The following SOX13 variants were observed in gnomAD, a reference collection of about 807,000 sequenced individuals.
The protein encoded by SOX13 is SRY-box transcription factor 13.
SOX13 carries 28 observed loss-of-function variants against 71.8 expected under a neutral mutation model. The observed-to-expected ratio is 0.39, with a 90% CI of 0.29 to 0.53. The LOEUF is 0.53. Ranked by LOEUF, SOX13 falls within the 20% of genes least tolerant of loss-of-function variation. The pLI is 0.70. For missense variants in SOX13, 627 were observed against 810.3 expected (o/e 0.77, Z 2.75); for synonymous variants, 309 against 317.8 (o/e 0.97, Z 0.29).
chr1:204,081,698 G>A lies in SOX13; in HGVS notation c.-2+7987G>A, dbSNP rs1324456754. ...AAGGCAGGACCTGGCACTCCTCAGA[G>A]TGGAGGGTGAGGAGGGTTTTCTGTC... is the stretch of plus-strand genomic sequence containing the variant. On this transcript the variant is annotated intron_variant, in intron 1 of 13. Coordinates refer to ENST00000367204, the MANE Select transcript of SOX13 (RefSeq NM_005686.3). The surrounding 1 kb of genome is among the most constrained non-coding windows in gnomAD (Gnocchi z 4.3). Among the ~76,000 whole-genome samples the A allele has an allele frequency of 1.1e-4, 16 of 152,224 alleles. No homozygotes were observed.
intron 5 of SOX13, 28 bp from the exon 6 acceptor site, chr1:204,117,094 C>T (rs763062913): frequency 6.2e-7 from 1 of 1,612,008 alleles, no homozygotes; most frequent in Non-Finnish European, 8.5e-7. Context: ...GTCCGTGACC[C>T]CCTCTGCCTA....
chr1:204,084,029 A>T (rs951828181), intron 1 of SOX13, among the ~76,000 whole-genome samples: 2 of 152,152 alleles, frequency 1.3e-5, no homozygotes, highest in African/African-American at 2.4e-5. Context: ...CTGGGCCTCT[A>T]AGGGCATGTC....
intron 2 of SOX13, among the ~76,000 whole-genome samples, chr1:204,113,739 TGGTG>T: frequency 6.6e-6 from 1 of 152,142 alleles, no homozygotes; most frequent in South Asian, 2.1e-4. Context: ...GTGGGGGCAC[TGGTG>T]ATCAAGGAAG....
intron 1 of SOX13, among the ~76,000 whole-genome samples, chr1:204,079,840 C>T (rs1655865436): frequency 6.6e-6 from 1 of 152,152 alleles, no homozygotes; most frequent in Admixed American, 6.5e-5. Context: ...GTGGTCAGAC[C>T]TCCTAGAGGC....
intron 1 of SOX13, among the ~76,000 whole-genome samples, chr1:204,111,851 C>T (rs548420122): frequency 1.2e-4 from 18 of 152,168 alleles, no homozygotes; most frequent in African/African-American, 3.6e-4. Flanking sequence ...GGCTATTTCC[C>T]CCCGTGTGAT....
chr1:204,096,347 C>G (rs1229352646), intron 1 of SOX13, among the ~76,000 whole-genome samples: 1 of 148,002 alleles, frequency 6.8e-6, no homozygotes, highest in Admixed American at 7.0e-5. Context: ...TCAAGCGATC[C>G]TCCCACCTCA....
chr1:204,097,794 G>A (rs1270369361), intron 1 of SOX13, among the ~76,000 whole-genome samples: 1 of 151,972 alleles, frequency 6.6e-6, no homozygotes, highest in African/African-American at 2.4e-5. Flanking sequence ...AGGCCAAATT[G>A]TTGTCAATGG....
rs752500719 is a variant in SOX13, at chr1:204,073,649, G to A, written c.-64G>A. On this transcript the variant is annotated 5_prime_UTR_variant, in exon 1 of 14. Coordinates refer to ENST00000367204, the MANE Select transcript of SOX13 (RefSeq NM_005686.3). This position sits in a 1 kb window ranked among gnomAD's most constrained non-coding sequence, Gnocchi z 6.8. ...AGGCTGCCAGCCGCGAGGACCGCAC[G>A]GAGGAGGAGCAGGAGCGCGGAGCCG... The A allele has an allele frequency of 2.0e-5, 3 of 152,102 alleles. No homozygotes were observed. Among genetic ancestry groups the A allele is most frequent in the Non-Finnish European group, 4.4e-5 (3 of 68,098 alleles). 9.4% of individuals were successfully genotyped at this position (152,102 alleles called of 1,614,324 possible).
intron 1 of SOX13, chr1:204,074,017 G>GCT (rs1655730936): frequency 1.3e-5 from 2 of 151,704 alleles, no homozygotes; most frequent in Admixed American, 1.3e-4. Context: ...GCGCGCGCGC[G>GCT]CGTTCACCAC....
At position 204,114,312 on chromosome 1, in the gene SOX13, G is replaced by A; in HGVS notation, c.220-9G>A. 1.9e-6 allele frequency: 3 copies of A among 1,567,308 alleles called. No homozygotes were observed. The highest frequency in any genetic ancestry group is 2.6e-6 in the Non-Finnish European group (3 of 1,146,712). On this transcript the variant is annotated splice_polypyrimidine_tract_variant and intron_variant, in intron 2 of 13. Coordinates refer to ENST00000367204, the MANE Select transcript of SOX13 (RefSeq NM_005686.3). ...GGGGGTTATGGTGACAATTCAGTAT[G>A]TCTTGCAGGACTGTAGCTCTCCAGA...
chr1:204,124,941 T>C, intron 13 of SOX13, 84 bp downstream of exon 13: 4 of 989,914 alleles, frequency 4.0e-6, no homozygotes, highest in Middle Eastern at 3.0e-4. Flanking sequence ...GTGTGTGGCC[T>C]GCCTTTGTGT....
At chr1:204,090,534 G>A (rs1328437741) in intron 1 of SOX13, among the ~76,000 whole-genome samples, 1 of 151,020 alleles carries the variant, frequency 6.6e-6, no homozygotes, top group African/African-American at 2.4e-5. Context: ...TTGGCCTCCC[G>A]AGTAGCTGGG....
chr1:204,093,487 G>A (rs979406420), intron 1 of SOX13, among the ~76,000 whole-genome samples: 2 of 152,232 alleles, frequency 1.3e-5, no homozygotes. Flanking sequence ...GATGATGCCT[G>A]TGGGGCCTGA....
intron 1 of SOX13, among the ~76,000 whole-genome samples, chr1:204,091,769 A>G (rs1656151253): frequency 6.6e-6 from 1 of 151,718 alleles, no homozygotes. Flanking sequence ...TGTGTTTTAG[A>G]TGGGGGTCTC....
Position 204,081,224 on chromosome 1 carries a change from CT to C in SOX13, c.-2+7521del, listed in dbSNP as rs572186117. Among the ~76,000 whole-genome samples the C allele has an allele frequency of 6.6e-6, 1 of 152,036 alleles. No homozygotes were observed. The highest frequency in any genetic ancestry group is 2.1e-4 in the South Asian group (1 of 4,814). On this transcript the variant is annotated intron_variant, in intron 1 of 13. Transcript: ENST00000367204. The surrounding 1 kb of genome is among the most constrained non-coding windows in gnomAD (Gnocchi z 4.3). ...CACCACTCCCAGCCATGACTTCTTT[CT>C]TTTTTTTAAAGATCGTGGCTCATAT...
chr1:204,125,703 T>A lies in SOX13; in HGVS notation c.1593-155T>A, dbSNP rs983395401. On this transcript the variant is annotated intron_variant, in intron 13 of 13. Transcript: ENST00000367204. The stretch of plus-strand genomic sequence containing the variant: ...TGCAGGGTCGTAGGTGCCAGTGAAT[T>A]TGGCCATCAGAAAGCAGGCTGGGGG... 2.6e-5 allele frequency among the ~76,000 whole-genome samples: 4 copies of A among 152,330 alleles called. No individual in the cohort carries two copies. In the East Asian group the frequency reaches 7.7e-4, roughly 29 times the overall value.
intron 1 of SOX13, among the ~76,000 whole-genome samples, chr1:204,101,671 A>G (rs1460245443): frequency 6.6e-6 from 1 of 151,236 alleles, no homozygotes; most frequent in Non-Finnish European, 1.5e-5. Context: ...CTATATAATA[A>G]CTTATCAGTT....
At chr1:204,106,629 C>T (rs917094436) in intron 1 of SOX13, among the ~76,000 whole-genome samples, 1 of 151,544 alleles carries the variant, frequency 6.6e-6, no homozygotes, top group Non-Finnish European at 1.5e-5. Flanking sequence ...AAGCAATTCT[C>T]CTGCCTCAGC....
intron 1 of SOX13, among the ~76,000 whole-genome samples, chr1:204,095,250 C>G (rs1312372025): frequency 6.6e-6 from 1 of 152,162 alleles, no homozygotes; most frequent in South Asian, 2.1e-4. Flanking sequence ...CCAGGAAAGT[C>G]GAGGAACTGA....
Sources: allele counts gnomAD v4.1 joint callset (sites outside exome capture counted in the v4.1 genomes callset), GRCh38; gene constraint gnomAD v4.1.1; non-coding constraint Gnocchi (gnomAD v3.1); transcripts MANE v1.5; gene names NCBI Gene and HGNC (gene_info 2026-07-23, HGNC 2026-07-21).